The following PARD3B variants were observed in gnomAD, a reference collection of about 807,000 sequenced individuals.
The protein encoded by PARD3B is partitioning defective 3 homolog B.
PARD3B carries 103 observed loss-of-function variants against 130.2 expected under a neutral mutation model. The observed-to-expected ratio is 0.79, with a 90% CI of 0.67 to 0.93. The LOEUF is 0.93. PARD3B is among the 40% of genes least tolerant of loss of function. PARD3B has a pLI of 0.00. For synonymous variants in PARD3B, 583 were observed against 553.2 expected (o/e 1.05, Z -0.76); for missense variants, 1,609 against 1,499.2 (o/e 1.07, Z -1.21).
At chr2:204,691,125 A>G (rs1166895069) in intron 2 of PARD3B, among the ~76,000 whole-genome samples, 1 of 152,140 alleles carries the variant, frequency 6.6e-6, no homozygotes, top group Non-Finnish European at 1.5e-5. Context: ...GCAAAGCTTA[A>G]TGCTTCCTTC....
At chr2:205,181,153 C>T (rs767598080) in intron 13 of PARD3B, among the ~76,000 whole-genome samples, 109 of 152,170 alleles carry the variant, frequency 7.2e-4, no homozygotes, top group Non-Finnish European at 1.5e-3. Flanking sequence ...GGCCTTTCAT[C>T]TCCATCTCAA....
chr2:205,532,656 T>G (rs78997835), intron 21 of PARD3B, among the ~76,000 whole-genome samples: 1 of 152,282 alleles, frequency 6.6e-6, no homozygotes, highest in African/African-American at 2.4e-5. Context: ...AGCTACATAT[T>G]AATTCACACC....
chr2:204,870,047 C>T (rs538077183), intron 2 of PARD3B, among the ~76,000 whole-genome samples: 1 of 152,138 alleles, frequency 6.6e-6, no homozygotes, highest in Non-Finnish European at 1.5e-5. Context: ...TACCCTCTTC[C>T]AGACCTGCCT....
At chr2:205,329,745 T>C (rs1177242318) in intron 18 of PARD3B, among the ~76,000 whole-genome samples, 1 of 152,070 alleles carries the variant, frequency 6.6e-6, no homozygotes, top group Admixed American at 6.6e-5. Flanking sequence ...AATCCTAGCA[T>C]TGTGGGAGGC....
intron 15 of PARD3B, among the ~76,000 whole-genome samples, chr2:205,206,956 C>T (rs1008273108): frequency 4.7e-5 from 7 of 148,044 alleles, no homozygotes; most frequent in Non-Finnish European, 1.0e-4. Context: ...AAATTGACCA[C>T]ATACTTGGAA....
intron 22 of PARD3B, among the ~76,000 whole-genome samples, chr2:205,604,261 A>G (rs1035466997): frequency 6.6e-5 from 10 of 152,294 alleles, no homozygotes; most frequent in Non-Finnish European, 8.8e-5. Flanking sequence ...TTTACAAAAG[A>G]AAGAAGTTTA....
intron 18 of PARD3B, among the ~76,000 whole-genome samples, chr2:205,399,322 G>T (rs528601087): frequency 6.6e-6 from 1 of 151,774 alleles, no homozygotes; most frequent in East Asian, 1.9e-4. Context: ...TTTTTGTTTT[G>T]TTTTGTTTTG....
intron 2 of PARD3B, among the ~76,000 whole-genome samples, chr2:204,823,751 C>T (rs2043459638): frequency 6.6e-6 from 1 of 152,020 alleles, no homozygotes; most frequent in Non-Finnish European, 1.5e-5. Context: ...ACCAGCTGGA[C>T]CAGTATGGTG....
At chr2:205,486,984 C>G (rs1338130737) in intron 20 of PARD3B, among the ~76,000 whole-genome samples, 2 of 152,126 alleles carry the variant, frequency 1.3e-5, no homozygotes, top group African/African-American at 2.4e-5. Flanking sequence ...TGGACCTAGA[C>G]CTAATTGCTT....
intron 16 of PARD3B, among the ~76,000 whole-genome samples, chr2:205,278,916 T>C (rs2041062713): frequency 6.6e-6 from 1 of 151,124 alleles, no homozygotes; most frequent in Non-Finnish European, 1.5e-5. Context: ...CAAAAAAATA[T>C]AAAAATTAGC....
chr2:205,516,941 C>A (rs2050816264), intron 21 of PARD3B, among the ~76,000 whole-genome samples: 1 of 152,094 alleles, frequency 6.6e-6, no homozygotes, highest in Admixed American at 6.6e-5. Context: ...TATATTCCTT[C>A]AGTACCTAGT....
intron 18 of PARD3B, among the ~76,000 whole-genome samples, chr2:205,393,434 C>A (rs995462233): frequency 1.3e-5 from 2 of 152,106 alleles, no homozygotes; most frequent in Admixed American, 1.3e-4. Flanking sequence ...GACATTGTTC[C>A]ACAGATGTCA....
At chr2:204,743,865 A>T (rs1031302463) in intron 2 of PARD3B, among the ~76,000 whole-genome samples, 45 of 152,250 alleles carry the variant, frequency 3.0e-4, no homozygotes, top group African/African-American at 1.1e-3. Flanking sequence ...TGGATGGGCC[A>T]CAAAGTAAGG....
At chr2:205,374,408 T>C (rs922170213) in intron 18 of PARD3B, among the ~76,000 whole-genome samples, 1 of 152,104 alleles carries the variant, frequency 6.6e-6, no homozygotes, top group African/African-American at 2.4e-5. Context: ...AGCTAATCTT[T>C]GTATTTTTAG....
chr2:205,292,449 T>C lies in PARD3B; in HGVS notation c.2186-8081T>C, dbSNP rs1206382429. On this transcript the variant is annotated intron_variant, in intron 16 of 22. Transcript: ENST00000406610. The surrounding 1 kb of genome is among the most constrained non-coding windows in gnomAD (Gnocchi z 5.3). ...TTGATAAGCCACCCAGTCTATGGTATTTTTGTTATAGCAGACCACATTAAC... is the reference window on the plus strand; with the variant it reads ...TTGATAAGCCACCCAGTCTATGGTACTTTTGTTATAGCAGACCACATTAAC... Among the ~76,000 whole-genome samples the C allele has an allele frequency of 6.6e-6, 1 of 152,148 alleles. No individual in the cohort carries two copies. Among genetic ancestry groups the C allele is most frequent in the East Asian group, 1.9e-4 (1 of 5,180 alleles).
At chr2:205,164,466 CTT>C (rs764028152) in intron 11 of PARD3B, among the ~76,000 whole-genome samples, 65 of 152,086 alleles carry the variant, frequency 4.3e-4, no homozygotes, top group Non-Finnish European at 8.2e-4. Flanking sequence ...GACCCCATCT[CTT>C]TTTTTAAAAA....
At chr2:204,629,880 CTT>C (rs746306630) in intron 1 of PARD3B, among the ~76,000 whole-genome samples, 2 of 152,098 alleles carry the variant, frequency 1.3e-5, no homozygotes, top group Admixed American at 1.3e-4. Context: ...ATACTATAGA[CTT>C]TTTTCTGATC....
chr2:205,593,771 G>GT (rs2054474885), intron 22 of PARD3B, among the ~76,000 whole-genome samples: 4 of 152,186 alleles, frequency 2.6e-5, no homozygotes, highest in Admixed American at 2.0e-4. Flanking sequence ...CTTGTTGGCT[G>GT]TGGAAATATC....
At chr2:204,959,755 A>C (rs988527178) in intron 2 of PARD3B, among the ~76,000 whole-genome samples, 1 of 152,180 alleles carries the variant, frequency 6.6e-6, no homozygotes, top group Admixed American at 6.5e-5. Flanking sequence ...TTCCTTTCAG[A>C]TCGCCCCTGG....
Sources: gnomAD v4.1 joint callset for allele counts (sites outside exome capture counted in the v4.1 genomes callset) on GRCh38, gnomAD v4.1.1 for gene constraint, Gnocchi (gnomAD v3.1) non-coding constraint, MANE v1.5 for transcripts, NCBI Gene and HGNC (gene_info 2026-07-23, HGNC 2026-07-21) for gene names.